The following ANO3 variants were observed in gnomAD, a reference collection of about 807,000 sequenced individuals.
ANO3 encodes the protein anoctamin-3.
In ANO3, 99 loss-of-function variants were observed where a neutral mutation model predicts 144.8. That is an observed-to-expected ratio of 0.68 (90% confidence interval 0.58 to 0.81). The LOEUF is 0.81. Among genes scored for constraint, ANO3 ranks in the 30% least tolerant of loss-of-function variants. The probability of loss-of-function intolerance (pLI) is 0.00; values close to 1 mark genes in which losing one functional copy is unlikely to be tolerated. For missense variants in ANO3, 905 were observed against 1,202.2 expected (o/e 0.75, Z 3.66); for synonymous variants, 414 against 392.6 (o/e 1.05, Z -0.64).
intron 1 of ANO3, among the ~76,000 whole-genome samples, chr11:26,391,749 A>C (rs938434340): frequency 6.6e-6 from 1 of 152,050 alleles, no homozygotes; most frequent in African/African-American, 2.4e-5. Context: ...CATCTTTGAG[A>C]GACCCTATCT....
At chr11:26,571,260 A>G (rs1850814127) in intron 14 of ANO3, among the ~76,000 whole-genome samples, 2 of 152,130 alleles carry the variant, frequency 1.3e-5, no homozygotes, top group South Asian at 4.1e-4. Flanking sequence ...ATCATACTGT[A>G]ATGTCTATAG....
chr11:26,572,776 G>A (rs971545820), intron 14 of ANO3, among the ~76,000 whole-genome samples: 2 of 152,110 alleles, frequency 1.3e-5, no homozygotes, highest in African/African-American at 2.4e-5. Flanking sequence ...TAATCATCAT[G>A]ACTGAGATTC....
At chr11:26,510,417 G>A (rs1441359439) in intron 5 of ANO3, among the ~76,000 whole-genome samples, 2 of 151,906 alleles carry the variant, frequency 1.3e-5, no homozygotes, top group Non-Finnish European at 2.9e-5. Flanking sequence ...AAATAAAGAA[G>A]TACTTATTGA....
At chr11:26,391,912 CCAGT>C (rs1399782556) in intron 1 of ANO3, among the ~76,000 whole-genome samples, 18 of 152,222 alleles carry the variant, frequency 1.2e-4, no homozygotes, top group East Asian at 9.7e-4. Context: ...AAGCTTTTAG[CCAGT>C]CAATCACTCA....
intron 4 of ANO3, among the ~76,000 whole-genome samples, chr11:26,497,318 A>G (rs536784268): frequency 2.6e-4 from 40 of 151,998 alleles, no homozygotes; most frequent in Non-Finnish European, 5.7e-4. Context: ...TAGTGCTCTT[A>G]TAAATATACA....
intron 1 of ANO3, among the ~76,000 whole-genome samples, chr11:26,391,613 T>C (rs188141821): frequency 1.1e-4 from 16 of 152,252 alleles, no homozygotes; most frequent in Admixed American, 7.9e-4. Flanking sequence ...CTGTGGGAAG[T>C]GTTTTCACTG....
chr11:26,295,205 G>A (rs533169616), intron 1 of ANO3, among the ~76,000 whole-genome samples: 7 of 152,052 alleles, frequency 4.6e-5, no homozygotes, highest in Admixed American at 1.3e-4. Flanking sequence ...GAGCCACCGC[G>A]CCTGCCTCAG....
intron 14 of ANO3, among the ~76,000 whole-genome samples, chr11:26,564,773 ATATATATATAT>A (rs1565109236): frequency 1.9e-5 from 2 of 103,610 alleles, no homozygotes; most frequent in Non-Finnish European, 4.1e-5. Context: ...ATATATATAT[ATATATATATAT>A]AAGTTCAGTT....
Position 26,539,168 on chromosome 11 carries a change from A to G in ANO3, c.1032+1707A>G, listed in dbSNP as rs1267496907. On this transcript the variant is annotated intron_variant, in intron 10 of 26. Transcript: ENST00000256737. ...CACACACACACACACACACACACACACACACAAGAGTTTGTCCAAGATATT... is the reference window on the plus strand; with the variant it reads ...CACACACACACACACACACACACACGCACACAAGAGTTTGTCCAAGATATT... 2.9e-5 allele frequency among the ~76,000 whole-genome samples: 3 copies of G among 105,206 alleles called. No homozygotes were observed. The East Asian group carries it at 8.8e-4, about 31-fold the overall frequency. The allele number at this position is 105,206 out of a possible 152,430, so 69.0% of individuals were successfully genotyped here. A position where few individuals can be genotyped will look rare whatever the true frequency, so the allele number is the denominator to read the frequency against.
intron 1 of ANO3, among the ~76,000 whole-genome samples, chr11:26,291,483 G>A (rs12294036): frequency 0.033 from 5,036 of 152,224 alleles, 156 homozygotes; most frequent in African/African-American, 0.088. Context: ...TTTGTTAGTT[G>A]ATGCAGTTTC....
At chr11:26,629,777 G>C (rs376374767) in intron 18 of ANO3, among the ~76,000 whole-genome samples, 3 of 151,916 alleles carry the variant, frequency 2.0e-5, no homozygotes, top group Non-Finnish European at 4.4e-5. Context: ...GATTACAGGC[G>C]TGCACCTCCA....
intron 1 of ANO3, among the ~76,000 whole-genome samples, chr11:26,418,395 C>A (rs920951548): frequency 6.6e-6 from 1 of 151,948 alleles, no homozygotes; most frequent in Non-Finnish European, 1.5e-5. Context: ...CGTGAGATAT[C>A]ATGGGGGACT....
At position 26,195,045 on chromosome 11, in the gene ANO3, A is replaced by G. The variant is rs560747052; in HGVS notation, c.154+5715A>G. Among the ~76,000 whole-genome samples the G allele has an allele frequency of 1.4e-4, 22 of 152,314 alleles. 1 individual carries two copies. In the South Asian group the frequency reaches 4.4e-3, roughly 30 times the overall value. The stretch of plus-strand genomic sequence containing the variant: ...TGCAAAGAAAAACTCCTTTTGACCT[A>G]TAGATGTCTGTGGGCATTCCTGTTT... On this transcript the variant is annotated intron_variant, in intron 1 of 27. Coordinates refer to the ANO3 transcript ENST00000672621.
intron 13 of ANO3, among the ~76,000 whole-genome samples, chr11:26,558,855 G>A (rs1200438586): frequency 1.3e-5 from 2 of 151,916 alleles, no homozygotes; most frequent in East Asian, 1.9e-4. Flanking sequence ...TTATAATACT[G>A]TTCTTTAACC....
At chr11:26,387,092 G>A (rs1856753837) in intron 1 of ANO3, among the ~76,000 whole-genome samples, 1 of 150,716 alleles carries the variant, frequency 6.6e-6, no homozygotes, top group Non-Finnish European at 1.5e-5. Context: ...GAGAGAAAGA[G>A]AGAGAGAGAG....
intron 1 of ANO3, among the ~76,000 whole-genome samples, chr11:26,352,193 A>C (rs1239361592): frequency 6.6e-6 from 1 of 152,184 alleles, no homozygotes; most frequent in Non-Finnish European, 1.5e-5. Flanking sequence ...CTGACTAAAA[A>C]ACAAGTCTTT....
chr11:26,199,830 T>G (rs1851657368), intron 1 of ANO3, among the ~76,000 whole-genome samples: 1 of 152,188 alleles, frequency 6.6e-6, no homozygotes, highest in Admixed American at 6.5e-5. Context: ...ATGTTTTTTG[T>G]TTCATTTTGT....
At chr11:26,599,104 T>G in intron 16 of ANO3, 106 bp downstream of exon 16, 1 of 1,198,368 alleles carries the variant, frequency 8.3e-7, no homozygotes, top group Non-Finnish European at 1.2e-6. Context: ...GAAACCTTAT[T>G]CTTTCCAACA....
At chr11:26,368,867 C>T (rs1004210181) in intron 1 of ANO3, among the ~76,000 whole-genome samples, 2 of 151,582 alleles carry the variant, frequency 1.3e-5, no homozygotes, top group African/African-American at 2.4e-5. Context: ...TTCCATGAAA[C>T]AACCTATTTT....
Sources: allele counts gnomAD v4.1 joint callset (sites outside exome capture counted in the v4.1 genomes callset), GRCh38; gene constraint gnomAD v4.1.1; transcripts MANE v1.5; gene names NCBI Gene and HGNC (gene_info 2026-07-23, HGNC 2026-07-21).